Variants in ANK2 observed in about 807,000 individuals in gnomAD.
ANK2 encodes ankyrin 2.
Under a neutral mutation model 360.5 loss-of-function variants are expected in ANK2, and 83 were observed. That is an observed-to-expected ratio of 0.23 (90% CI 0.19 to 0.28). ANK2 has a LOEUF of 0.28. ANK2 is among the 10% of genes least tolerant of loss of function. The pLI, the probability that ANK2 is intolerant of heterozygous loss-of-function variation, is 1.00. For missense variants in ANK2, 4,201 were observed against 4,795.7 expected (o/e 0.88, Z 3.66); for synonymous variants, 1,740 against 1,759.5 (o/e 0.99, Z 0.28).
At chr4:112,904,740 A>G (rs1159072252) in intron 2 of ANK2, among the ~76,000 whole-genome samples, 1 of 152,124 alleles carries the variant, frequency 6.6e-6, no homozygotes, top group Non-Finnish European at 1.5e-5. Flanking sequence ...TGAAAAGGTA[A>G]ATAGATTGTC....
chr4:113,127,682 T>C (rs995136152), intron 1 of ANK2, among the ~76,000 whole-genome samples: 2 of 151,410 alleles, frequency 1.3e-5, no homozygotes, highest in Non-Finnish European at 2.9e-5. Context: ...AAGGAAGGGG[T>C]TGGAAATAAA....
intron 1 of ANK2, among the ~76,000 whole-genome samples, chr4:112,887,799 T>A (rs1434671781): frequency 2.0e-5 from 3 of 152,174 alleles, no homozygotes; most frequent in Non-Finnish European, 4.4e-5. Flanking sequence ...TTTATTTGTG[T>A]CTATCTTCAC....
At chr4:113,248,599 G>T (rs1167182606) in intron 9 of ANK2, among the ~76,000 whole-genome samples, 1 of 151,926 alleles carries the variant, frequency 6.6e-6, no homozygotes, top group South Asian at 2.1e-4. Flanking sequence ...GGGTCTGGAG[G>T]GGCAAACAGA....
At chr4:113,254,331 C>T (rs2048137694) in intron 10 of ANK2, among the ~76,000 whole-genome samples, 1 of 152,186 alleles carries the variant, frequency 6.6e-6, no homozygotes, top group Non-Finnish European at 1.5e-5. Flanking sequence ...GCTGTATCCA[C>T]AGTACTTGAA....
intron 4 of ANK2, among the ~76,000 whole-genome samples, chr4:113,229,499 A>G (rs2153523632): frequency 6.6e-6 from 1 of 152,284 alleles, no homozygotes; most frequent in African/African-American, 2.4e-5. Flanking sequence ...CTTTTGCCAA[A>G]TTAGGTAGCA....
At chr4:113,253,265 C>T (rs1007830071) in intron 10 of ANK2, among the ~76,000 whole-genome samples, 1 of 152,184 alleles carries the variant, frequency 6.6e-6, no homozygotes, top group African/African-American at 2.4e-5. Flanking sequence ...GTCTCCTTTA[C>T]TAGTTCCTCC....
intron 2 of ANK2, among the ~76,000 whole-genome samples, chr4:112,930,441 CCT>C (rs2154235725): frequency 7.1e-6 from 1 of 140,332 alleles, no homozygotes; most frequent in African/African-American, 2.7e-5. Flanking sequence ...AGAGCCAGAC[CCT>C]GTCTCAAAAA....
the ANK2 span, among the ~76,000 whole-genome samples, chr4:112,744,016 TTAG>T: frequency 1.3e-5 from 2 of 151,840 alleles, no homozygotes; most frequent in Admixed American, 6.6e-5. Context: ...ATTTGTTTTT[TTAG>T]TAGAGATGGG....
intron 1 of ANK2, among the ~76,000 whole-genome samples, chr4:113,088,176 G>A (rs1025715553): frequency 1.3e-5 from 2 of 152,138 alleles, no homozygotes; most frequent in African/African-American, 4.8e-5. Flanking sequence ...GAAGTACCAT[G>A]GTGAAATAAT....
In ANK2 at chr4:112,828,604, G is replaced by C. The variant is rs916289040; in HGVS notation, c.-40+10340G>C. On this transcript the variant is annotated intron_variant, in intron 1 of 30. Coordinates refer to the ANK2 transcript ENST00000503271. ...AGAACACATAGGAAGTACAATTCTA[G>C]ACACAGGCTCTGGCAAAGATGTCAT... 3.3e-5 allele frequency among the ~76,000 whole-genome samples: 5 copies of C among 152,302 alleles called. No homozygotes were observed. In the East Asian group the frequency reaches 5.8e-4, roughly 18 times the overall value.
At chr4:113,274,743 T>C (rs574756571) in intron 15 of ANK2, 94 bp downstream of exon 15, 2 of 1,335,382 alleles carry the variant, frequency 1.5e-6, no homozygotes, top group East Asian at 2.4e-5. Context: ...AGGGTAGATC[T>C]CCTCAGGCCT....
At chr4:113,037,037 A>G (rs895718153) in intron 2 of ANK2, among the ~76,000 whole-genome samples, 9 of 151,942 alleles carry the variant, frequency 5.9e-5, no homozygotes, top group Non-Finnish European at 1.0e-4. Flanking sequence ...GCTGATGCTA[A>G]TGTTACTTGC....
intron 18 of ANK2, among the ~76,000 whole-genome samples, chr4:113,286,480 T>C (rs1469110988): frequency 6.6e-6 from 1 of 152,180 alleles, no homozygotes; most frequent in East Asian, 1.9e-4. Flanking sequence ...ATAAGGTCAG[T>C]GTCCTTTTTG....
At chr4:112,882,530 G>T (rs1461411207) in intron 1 of ANK2, among the ~76,000 whole-genome samples, 1 of 152,070 alleles carries the variant, frequency 6.6e-6, no homozygotes, top group African/African-American at 2.4e-5. Flanking sequence ...CTAATCTGGG[G>T]GTGGGAATGT....
chr4:113,103,570 A>C (rs1297432435), intron 1 of ANK2, among the ~76,000 whole-genome samples: 5 of 152,212 alleles, frequency 3.3e-5, no homozygotes, highest in Non-Finnish European at 7.4e-5. Context: ...ATGACTAATG[A>C]CTAAAATAAT....
chr4:112,759,831 C>T, the ANK2 span, among the ~76,000 whole-genome samples: 1 of 152,124 alleles, frequency 6.6e-6, no homozygotes, highest in African/African-American at 2.4e-5. Context: ...CCTTCATCAT[C>T]TGCTATTAAT....
At chr4:113,085,524 G>A (rs2084243808) in intron 1 of ANK2, among the ~76,000 whole-genome samples, 1 of 151,966 alleles carries the variant, frequency 6.6e-6, no homozygotes, top group African/African-American at 2.4e-5. Context: ...AGCTAGGATG[G>A]TCTTGATCTC....
intron 3 of ANK2, among the ~76,000 whole-genome samples, chr4:113,197,690 G>C (rs922079434): frequency 6.6e-6 from 1 of 152,154 alleles, no homozygotes; most frequent in Admixed American, 6.5e-5. Context: ...TTGTAGTATA[G>C]TAAACAGCAA....
intron 2 of ANK2, among the ~76,000 whole-genome samples, chr4:112,931,967 A>C (rs1477571665): frequency 6.6e-6 from 1 of 152,200 alleles, no homozygotes; most frequent in East Asian, 1.9e-4. Context: ...TAATCCATAT[A>C]TTCATACTTA....
Sources: gnomAD v4.1 joint callset for allele counts (sites outside exome capture counted in the v4.1 genomes callset) on GRCh38, gnomAD v4.1.1 for gene constraint, MANE v1.5 for transcripts, NCBI Gene and HGNC (gene_info 2026-07-23, HGNC 2026-07-21) for gene names.